Variants in FGF13 observed in about 807,000 individuals in gnomAD.
FGF13 encodes fibroblast growth factor homologous factor 2.
Under a neutral mutation model 19.5 loss-of-function variants are expected in FGF13, and 2 were observed. The observed-to-expected ratio is 0.10, with a 90% CI of 0.04 to 0.32. The LOEUF (loss-of-function observed/expected upper bound fraction) is 0.32, where lower values mean the gene tolerates loss of function less well. Ranked by LOEUF, FGF13 falls within the 10% of genes least tolerant of loss-of-function variation. FGF13 has a pLI of 1.00. For synonymous variants in FGF13, 72 were observed against 76.9 expected, an observed-to-expected ratio of 0.94 and a Z score of 0.33; for missense variants, 113 against 192.7, an observed-to-expected ratio of 0.59 and a Z score of 2.45.
rs757941742 is a variant in FGF13 at position 139,191,970 on chromosome X, C to T, written c.-113+11446G>A. Among the ~76,000 whole-genome samples, 18 of 111,769 alleles carry T rather than the reference C, an allele frequency of 1.6e-4. No homozygotes were observed. In the South Asian group the frequency reaches 2.3e-3, roughly 14 times the overall value. On this transcript the variant is annotated intron_variant, in intron 1 of 2. Transcript: ENST00000421460. ...CATGCCCGAAGCTCCCTCCCAGCCC[C>T]GCCCTCTCTGCGAGAGCCGAGGCTT...
intron 1 of FGF13, among the ~76,000 whole-genome samples, chrX:139,120,910 A>G (rs1431853043): frequency 2.7e-5 from 3 of 112,714 alleles, no homozygotes; most frequent in African/African-American, 9.7e-5. Context: ...CAGAGGAGGC[A>G]GAGAAAATAA....
chrX:138,674,486 T>C (rs1569360812), intron 3 of FGF13, among the ~76,000 whole-genome samples: 3 of 111,109 alleles, frequency 2.7e-5, no homozygotes, highest in Admixed American at 9.7e-5. Flanking sequence ...ATTGAATCAA[T>C]ATCTGAAAGT....
At chrX:139,193,871 T>G (rs186641915) in intron 1 of FGF13, among the ~76,000 whole-genome samples, 73 of 112,075 alleles carry the variant, frequency 6.5e-4, no homozygotes, top group African/African-American at 2.3e-3. Context: ...CTTTCAAGAT[T>G]TATTCTTAGC....
rs2089011800 is a variant in FGF13, at chrX:138,621,082, A to T, written c.*11768T>A. ...TCAACAATGGACAGATCACCCAGACAGAAAATCAATAGGGAATTGACTTGA... is the reference window on the plus strand; with the variant it reads ...TCAACAATGGACAGATCACCCAGACTGAAAATCAATAGGGAATTGACTTGA... On this transcript the variant is annotated 3_prime_UTR_variant, in exon 5 of 5. Coordinates refer to ENST00000315930, the MANE Select transcript of FGF13 (RefSeq NM_004114.5). 8.9e-6 allele frequency: 1 copy of T among 111,945 alleles called. No individual in the cohort carries two copies. The highest frequency in any genetic ancestry group is 9.5e-5 in the Admixed American group (1 of 10,539). The allele number at this position is 111,945 out of a possible 1,213,427, so 9.2% of individuals were successfully genotyped here. A position where few individuals can be genotyped will look rare whatever the true frequency, so the allele number is the denominator to read the frequency against.
chrX:138,680,782 C>G (rs1007169682), intron 3 of FGF13, among the ~76,000 whole-genome samples: 7 of 111,212 alleles, frequency 6.3e-5, no homozygotes, highest in Non-Finnish European at 1.3e-4. Context: ...GAGTCAGCCT[C>G]TCCTTTGAAG....
chrX:138,868,935 A>T (rs2091343709), intron 1 of FGF13, among the ~76,000 whole-genome samples: 1 of 110,816 alleles, frequency 9.0e-6, no homozygotes, highest in African/African-American at 3.3e-5. Flanking sequence ...ACCGCTAGGA[A>T]TTCCTTGGTT....
At chrX:139,054,882 G>GTGTTT (rs2092315788) in intron 1 of FGF13, among the ~76,000 whole-genome samples, 1 of 97,434 alleles carries the variant, frequency 1.0e-5, no homozygotes, top group Admixed American at 1.1e-4. Context: ...GTGTTGTGTT[G>GTGTTT]TGTTGTGTTG....
At chrX:139,129,624 G>A (rs12690207) in intron 1 of FGF13, among the ~76,000 whole-genome samples, 24,588 of 110,401 alleles carry the variant, frequency 0.22, 1,996 homozygotes, top group East Asian at 0.29. Flanking sequence ...ACCAGACTGG[G>A]GCCCAAGTTC....
At chrX:138,900,613 A>G (rs1438266833) in intron 1 of FGF13, among the ~76,000 whole-genome samples, 2 of 111,556 alleles carry the variant, frequency 1.8e-5, no homozygotes, top group Non-Finnish European at 3.8e-5. Context: ...CTGCATTTTC[A>G]GCCCCTTCTA....
chrX:139,050,183 G>A (rs1033141261), intron 1 of FGF13, among the ~76,000 whole-genome samples: 2 of 111,242 alleles, frequency 1.8e-5, no homozygotes, highest in Admixed American at 1.9e-4. Flanking sequence ...ATGAGATGAG[G>A]TGCAATAAAA....
At chrX:139,118,205 C>T (rs1313702600) in intron 1 of FGF13, among the ~76,000 whole-genome samples, 2 of 111,892 alleles carry the variant, frequency 1.8e-5, no homozygotes. Flanking sequence ...TAGAAATGTA[C>T]ATACAGATTC....
chrX:139,172,170 C>T (rs1190511964), intron 1 of FGF13, among the ~76,000 whole-genome samples: 1 of 111,939 alleles, frequency 8.9e-6, no homozygotes, highest in African/African-American at 3.2e-5. Context: ...CCATAAAATT[C>T]CCATATACTT....
chrX:138,936,018 C>T (rs774391422), intron 1 of FGF13, among the ~76,000 whole-genome samples: 49 of 112,222 alleles, frequency 4.4e-4, no homozygotes, highest in African/African-American at 1.6e-3. Context: ...TCTTCAGGGT[C>T]ACTTAGGCAT....
chrX:139,058,831 C>T (rs1668699890), intron 1 of FGF13, among the ~76,000 whole-genome samples: 1 of 111,138 alleles, frequency 9.0e-6, no homozygotes, highest in South Asian at 3.8e-4. Context: ...CAGATCAAAC[C>T]CCAGGACCCA....
At chrX:139,036,780 C>T (rs1249767893) in intron 1 of FGF13, among the ~76,000 whole-genome samples, 2 of 111,403 alleles carry the variant, frequency 1.8e-5, no homozygotes, top group Admixed American at 9.5e-5. Context: ...ACACATCTTA[C>T]ATGGATGGCA....
chrX:139,099,551 C>CA (rs2083494290), intron 1 of FGF13, among the ~76,000 whole-genome samples: 1 of 110,607 alleles, frequency 9.0e-6, no homozygotes, highest in South Asian at 3.9e-4. Context: ...CAAGGTACTT[C>CA]AACTTTCTGC....
chrX:138,715,578 C>T (rs2090094025), upstream of FGF13, among the ~76,000 whole-genome samples: 1 of 111,966 alleles, frequency 8.9e-6, no homozygotes, highest in Non-Finnish European at 1.9e-5. Context: ...AAAAACAAAA[C>T]GTTTGGAAAC....
At chrX:138,790,726 T>C (rs1398095610) in intron 3 of FGF13, among the ~76,000 whole-genome samples, 1 of 112,435 alleles carries the variant, frequency 8.9e-6, no homozygotes, top group Non-Finnish European at 1.9e-5. Flanking sequence ...TGTCCCCTCC[T>C]CTTGGAAGCC....
intron 1 of FGF13, among the ~76,000 whole-genome samples, chrX:138,938,645 A>T (rs1055809584): frequency 1.8e-5 from 2 of 111,056 alleles, no homozygotes; most frequent in Non-Finnish European, 3.8e-5. Context: ...CACCCATTCC[A>T]TCCATTATTA....
Sources: gnomAD v4.1 joint callset for allele counts (sites outside exome capture counted in the v4.1 genomes callset) on GRCh38, gnomAD v4.1.1 for gene constraint, MANE v1.5 for transcripts, NCBI Gene and HGNC (gene_info 2026-07-23, HGNC 2026-07-21) for gene names.